KCNH7: variants seen among roughly 807,000 people sequenced by gnomAD.
The protein encoded by KCNH7 is potassium voltage-gated channel subfamily H member 7.
A neutral mutation model predicts 120.8 loss-of-function variants in KCNH7; 49 were observed. That is an observed-to-expected ratio of 0.41 (90% CI 0.32 to 0.51). KCNH7 has a LOEUF of 0.51. Among genes scored for constraint, KCNH7 ranks in the 20% least tolerant of loss-of-function variants. The pLI is 0.38. For synonymous variants in KCNH7, 547 were observed against 516.1 expected, an observed-to-expected ratio of 1.06 and a Z score of -0.81; for missense variants, 1,097 against 1,446.6, an observed-to-expected ratio of 0.76 and a Z score of 3.92.
At chr2:162,805,227 A>G (rs1684498243) in intron 2 of KCNH7, among the ~76,000 whole-genome samples, 2 of 151,946 alleles carry the variant, frequency 1.3e-5, no homozygotes, top group South Asian at 4.1e-4. Flanking sequence ...AATAAAAATA[A>G]ATAAATGGTA....
rs1031979102 is a variant in KCNH7, at chr2:162,379,866, C to T, written c.3118G>A (p.Glu1040Lys). 3.1e-6 allele frequency: 5 copies of T among 1,613,772 alleles called. No individual in the cohort carries two copies. The highest frequency in any genetic ancestry group is 4.2e-6 in the Non-Finnish European group (5 of 1,179,888). The change falls in exon 14 of 16, where the codon GAG becomes AAG. Residue 1040 changes from glutamate to lysine, a missense_variant. Around this residue, in one of 8 missense-constraint regions of KCNH7, gnomAD observed 406 missense variants for 410.5 expected, o/e 0.99. Transcript: ENST00000332142. ...EVEQRLDLLQ[E>K]QLNRLESQMT... ...CACTGCTTATACCTGTTAAGTTGCT[C>T]CTGGAGCAGATCTAATCTTTGTTCC...
chr2:162,807,881 A>C (rs1440572839), intron 2 of KCNH7, among the ~76,000 whole-genome samples: 2 of 151,974 alleles, frequency 1.3e-5, no homozygotes, highest in African/African-American at 4.8e-5. Flanking sequence ...CGGGTGTTTC[A>C]CTATATTGGC....
At chr2:162,511,473 G>A (rs1691069844) in intron 5 of KCNH7, among the ~76,000 whole-genome samples, 1 of 100,720 alleles carries the variant, frequency 9.9e-6, no homozygotes. Flanking sequence ...AATCACAGTG[G>A]ACAGGTCAAA....
At chr2:162,606,880 A>G (rs977582435) in intron 2 of KCNH7, among the ~76,000 whole-genome samples, 3 of 152,208 alleles carry the variant, frequency 2.0e-5, no homozygotes, top group Non-Finnish European at 2.9e-5. Context: ...TGCTATCTTT[A>G]TTAAGATAAA....
chr2:162,467,607 T>C (rs1689351567), intron 6 of KCNH7, among the ~76,000 whole-genome samples: 1 of 152,210 alleles, frequency 6.6e-6, no homozygotes, highest in African/African-American at 2.4e-5. Flanking sequence ...GCCTGTAAAC[T>C]GTGAAGCAGG....
intron 2 of KCNH7, among the ~76,000 whole-genome samples, chr2:162,669,863 G>A (rs1322950286): frequency 1.3e-5 from 2 of 152,056 alleles, no homozygotes; most frequent in Non-Finnish European, 2.9e-5. Flanking sequence ...ACTTTGGGAG[G>A]CCGAGGCGGG....
At chr2:162,445,583 A>G (rs1405538140) in intron 7 of KCNH7, among the ~76,000 whole-genome samples, 1 of 152,188 alleles carries the variant, frequency 6.6e-6, no homozygotes, top group African/African-American at 2.4e-5. Context: ...GAGAAAGCAT[A>G]TTTGAATAAG....
intron 2 of KCNH7, among the ~76,000 whole-genome samples, chr2:162,558,692 T>G (rs995665636): frequency 6.6e-6 from 1 of 151,884 alleles, no homozygotes; most frequent in African/African-American, 2.4e-5. Flanking sequence ...GTTGGGAATA[T>G]TAAATGAGAC....
chr2:162,600,461 T>C (rs1467957623), intron 2 of KCNH7, among the ~76,000 whole-genome samples: 1 of 152,124 alleles, frequency 6.6e-6, no homozygotes, highest in African/African-American at 2.4e-5. Context: ...ACAGGTGTTA[T>C]GATTTTCTAA....
chr2:162,641,476 G>T (rs1172635920), intron 2 of KCNH7, among the ~76,000 whole-genome samples: 1 of 152,126 alleles, frequency 6.6e-6, no homozygotes, highest in East Asian at 1.9e-4. Flanking sequence ...TTGGGAGGCT[G>T]AGATGGGAGG....
At chr2:162,722,755 T>C (rs1250828748) in intron 2 of KCNH7, among the ~76,000 whole-genome samples, 1 of 150,784 alleles carries the variant, frequency 6.6e-6, no homozygotes, top group African/African-American at 2.4e-5. Context: ...GCCCATTGAT[T>C]GTGTCCCATA....
At chr2:162,450,600 C>G (rs544453448) in intron 6 of KCNH7, among the ~76,000 whole-genome samples, 1 of 152,074 alleles carries the variant, frequency 6.6e-6, no homozygotes, top group Non-Finnish European at 1.5e-5. Context: ...CTTAATGATT[C>G]AGAAGATTCT....
chr2:162,445,893 T>C (rs1688559970), intron 7 of KCNH7, 125 bp downstream of exon 7: 5 of 745,932 alleles, frequency 6.7e-6, no homozygotes, highest in African/African-American at 1.8e-5. Context: ...GTATCCCCAA[T>C]TGAAAATGAA....
At chr2:162,530,467 T>TGC (rs199708183) in intron 3 of KCNH7, among the ~76,000 whole-genome samples, 2,437 of 150,034 alleles carry the variant, frequency 0.016, 57 homozygotes, top group African/African-American at 0.058. Context: ...TGCGCGAGCG[T>TGC]GCGCGCACAC....
chr2:162,475,234 T>A (rs969544601), intron 6 of KCNH7, among the ~76,000 whole-genome samples: 5 of 152,202 alleles, frequency 3.3e-5, no homozygotes, highest in Non-Finnish European at 7.3e-5. Context: ...ATGTGCAGAA[T>A]ACTACTTAAA....
At chr2:162,564,215 A>T (rs909393993) in intron 2 of KCNH7, among the ~76,000 whole-genome samples, 6 of 152,042 alleles carry the variant, frequency 3.9e-5, no homozygotes, top group Non-Finnish European at 8.8e-5. Flanking sequence ...ATTTATTATT[A>T]AAAAAATCTC....
intron 3 of KCNH7, among the ~76,000 whole-genome samples, chr2:162,520,163 T>TA (rs1428762752): frequency 1.0e-3 from 147 of 146,456 alleles, no homozygotes; most frequent in African/African-American, 3.6e-3. Flanking sequence ...GGCTTTTTTT[T>TA]TTTTTTTTTT....
At chr2:162,487,164 A>G (rs1367821303) in intron 6 of KCNH7, among the ~76,000 whole-genome samples, 2 of 152,208 alleles carry the variant, frequency 1.3e-5, no homozygotes, top group East Asian at 3.9e-4. Context: ...ACGAATTCAT[A>G]TGCCTTCACT....
rs147737396 is a variant in KCNH7, at chr2:162,756,173, T to G, written c.307+80364A>C. 1.4e-3 allele frequency among the ~76,000 whole-genome samples: 213 copies of G among 152,316 alleles called. 1 individual carries two copies. The highest frequency in any genetic ancestry group is 3.4e-3 in the Middle Eastern group (1 of 292). ...ACATCAAGAGACTGATATAATTGTA[T>G]AAATCTTTCATTCGAAGTAAATCAA... is the stretch of plus-strand genomic sequence containing the variant. On this transcript the variant is annotated intron_variant, in intron 2 of 15. Transcript: ENST00000332142.
Sources: allele counts gnomAD v4.1 joint callset (sites outside exome capture counted in the v4.1 genomes callset), GRCh38; gene constraint gnomAD v4.1.1; regional missense constraint gnomAD v4.1.1; transcripts MANE v1.5; gene names NCBI Gene and HGNC (gene_info 2026-07-23, HGNC 2026-07-21).